Variants in ZNF722 observed in about 807,000 individuals in gnomAD.
ZNF722 encodes zinc finger protein 479 pseudogene.
the ZNF722 span, chr7:64,014,977 A>T: frequency 8.4e-7 from 1 of 1,192,416 alleles, no homozygotes; most frequent in Non-Finnish European, 1.2e-6. Context: ...TGTAAAGTAT[A>T]TTCATCTGAG....
At chr7:64,013,838 T>C in the ZNF722 span, among the ~76,000 whole-genome samples, 1 of 152,158 alleles carries the variant, frequency 6.6e-6, no homozygotes, top group African/African-American at 2.4e-5. Context: ...ATATGCTTTT[T>C]CAGCATTTGT....
the ZNF722 span, among the ~76,000 whole-genome samples, chr7:64,012,881 T>C: frequency 2.0e-5 from 3 of 152,184 alleles, no homozygotes; most frequent in Non-Finnish European, 2.9e-5. Flanking sequence ...AATCATAGAG[T>C]TCTCACTCTC....
chr7:64,003,231 G>A, the ZNF722 span, among the ~76,000 whole-genome samples: 4 of 152,136 alleles, frequency 2.6e-5, no homozygotes, highest in South Asian at 2.1e-4. Context: ...GTCTGATAGG[G>A]GAGGGCAGGG....
chr7:64,005,152 A>G, the ZNF722 span, among the ~76,000 whole-genome samples: 2 of 152,232 alleles, frequency 1.3e-5, no homozygotes, highest in East Asian at 3.9e-4. Flanking sequence ...TACAAAAATC[A>G]GCCAGGCATG....
the ZNF722 span, among the ~76,000 whole-genome samples, chr7:64,005,945 C>G: frequency 6.6e-6 from 1 of 152,100 alleles, no homozygotes; most frequent in Non-Finnish European, 1.5e-5. Context: ...ATCTTTTGCT[C>G]TAGGTTAGTT....
the ZNF722 span, among the ~76,000 whole-genome samples, chr7:64,010,050 C>G: frequency 1.3e-5 from 2 of 152,140 alleles, no homozygotes; most frequent in African/African-American, 4.8e-5. Context: ...ATAGTATTCT[C>G]TGATGGTAGT....
At chr7:64,012,943 C>T in the ZNF722 span, among the ~76,000 whole-genome samples, 1 of 152,148 alleles carries the variant, frequency 6.6e-6, no homozygotes, top group Non-Finnish European at 1.5e-5. Flanking sequence ...CTCCACCTCA[C>T]ACTCGCATCA....
At chr7:64,005,736 T>C in the ZNF722 span, 1 of 1,562,872 alleles carries the variant, frequency 6.4e-7, no homozygotes, top group African/African-American at 1.4e-5. Context: ...CTGGTCTCCC[T>C]GGGTGAGGAA....
the ZNF722 span, among the ~76,000 whole-genome samples, chr7:64,012,093 A>G: frequency 2.6e-5 from 4 of 152,126 alleles, no homozygotes; most frequent in African/African-American, 9.7e-5. Flanking sequence ...TGCGTCACAT[A>G]GTTCTAGTGC....
the ZNF722 span, chr7:64,015,946 T>G: frequency 8.0e-7 from 1 of 1,257,710 alleles, no homozygotes; most frequent in African/African-American, 1.5e-5. Context: ...CCCTCAGGCC[T>G]TATAATACAT....
chr7:64,015,619 C>T, the ZNF722 span: 21 of 1,613,124 alleles, frequency 1.3e-5, no homozygotes, highest in Middle Eastern at 1.6e-4. Context: ...TCAACACTTA[C>T]TAACCACAAG....
chr7:64,007,576 CT>C, the ZNF722 span, among the ~76,000 whole-genome samples: 69 of 152,186 alleles, frequency 4.5e-4, no homozygotes, highest in African/African-American at 1.6e-3. Flanking sequence ...TGAACTCATC[CT>C]TTTTTATGGC....
chr7:64,007,230 G>A, the ZNF722 span, among the ~76,000 whole-genome samples: 1 of 138,512 alleles, frequency 7.2e-6, no homozygotes, highest in Non-Finnish European at 1.5e-5. Context: ...GTTTGTGTGT[G>A]TATATATATA....
the ZNF722 span, chr7:64,015,870 G>T: frequency 6.3e-7 from 1 of 1,574,828 alleles, no homozygotes; most frequent in Non-Finnish European, 8.7e-7. Flanking sequence ...TTCAAGTCTT[G>T]CTAAACATAA....
the ZNF722 span, chr7:64,015,818 A>T: frequency 6.2e-7 from 1 of 1,608,982 alleles, no homozygotes; most frequent in Non-Finnish European, 8.5e-7. Context: ...CTGGAGAGAA[A>T]CCCTACAAAT....
the ZNF722 span, chr7:64,005,860 G>A: frequency 2.1e-6 from 2 of 966,010 alleles, no homozygotes. Flanking sequence ...AAAATCTTGG[G>A]GATTCATTGG....
chr7:64,015,252 G>A, the ZNF722 span: 727 of 1,202,972 alleles, frequency 6.0e-4, 8 homozygotes, highest in Middle Eastern at 6.3e-3. Context: ...TCATAAGTGT[G>A]TCATAGTCTT....
At chr7:64,001,896 A>T in the ZNF722 span, among the ~76,000 whole-genome samples, 35 of 151,958 alleles carry the variant, frequency 2.3e-4, no homozygotes, top group African/African-American at 7.5e-4. Flanking sequence ...ATATATATAT[A>T]TTTTTAAGAT....
At chr7:64,014,262 T>C in the ZNF722 span, among the ~76,000 whole-genome samples, 3 of 152,128 alleles carry the variant, frequency 2.0e-5, no homozygotes, top group African/African-American at 4.8e-5. Context: ...ATTTATCTGA[T>C]ATCTGGTTTT....
Sources: allele counts gnomAD v4.1 joint callset (sites outside exome capture counted in the v4.1 genomes callset), GRCh38; gene constraint gnomAD v4.1.1; transcripts MANE v1.5; gene names NCBI Gene and HGNC (gene_info 2026-07-23, HGNC 2026-07-21).